CTNNA1: variants seen among roughly 807,000 people sequenced by gnomAD.
The protein encoded by CTNNA1 is catenin alpha 1.
Under a neutral mutation model 98.4 loss-of-function variants are expected in CTNNA1, and 37 were observed. That is an observed-to-expected ratio of 0.38 (90% confidence interval 0.29 to 0.49). The LOEUF (loss-of-function observed/expected upper bound fraction) is 0.49, where lower values mean the gene tolerates loss of function less well. Among genes scored for constraint, CTNNA1 ranks in the 20% least tolerant of loss-of-function variants. CTNNA1 has a pLI of 0.95. For synonymous variants in CTNNA1, 404 were observed against 413.2 expected, an observed-to-expected ratio of 0.98 and a Z score of 0.27; for missense variants, 761 against 1,147.2, an observed-to-expected ratio of 0.66 and a Z score of 4.86.
At chr5:138,927,211 C>T (rs574892823) in intron 13 of CTNNA1, among the ~76,000 whole-genome samples, 1 of 152,328 alleles carries the variant, frequency 6.6e-6, no homozygotes, top group African/African-American at 2.4e-5. Flanking sequence ...AAGCTTCAAT[C>T]AGATCATGTT....
chr5:138,781,016 T>G (rs1270979443), intron 1 of CTNNA1, among the ~76,000 whole-genome samples: 1 of 152,230 alleles, frequency 6.6e-6, no homozygotes, highest in Non-Finnish European at 1.5e-5. Context: ...CTCTTGACAC[T>G]GATACAGTGA....
rs146562899 is a variant in CTNNA1, at chr5:138,800,593, G to A, written c.302-9445G>A. Among the ~76,000 whole-genome samples, 972 of 152,050 alleles carry A rather than the reference G, an allele frequency of 6.4e-3. 6 individuals are homozygous for A. The highest frequency in any genetic ancestry group is 0.02 in the African/African-American group (846 of 41,474). On this transcript the variant is annotated intron_variant, in intron 3 of 17. Transcript: ENST00000302763. ...GCAGATCACCTGAGGTCAGGAGTTC[G>A]AGACCAGCCTGACCAACATGGAGAA...
At chr5:138,787,864 T>A (rs1334808626) in intron 3 of CTNNA1, among the ~76,000 whole-genome samples, 12 of 152,166 alleles carry the variant, frequency 7.9e-5, no homozygotes, top group African/African-American at 2.2e-4. Flanking sequence ...GTTAAAAAAA[T>A]TCACGTACAT....
chr5:138,881,085 C>T (rs1472561624), intron 7 of CTNNA1: 2 of 456,172 alleles, frequency 4.4e-6, no homozygotes, highest in Non-Finnish European at 4.4e-6. Flanking sequence ...TTGATTCCTC[C>T]TTGTATTGCA....
Position 138,874,583 on chromosome 5 carries a change from A to G in CTNNA1, c.1063-11629A>G. The stretch of plus-strand genomic sequence containing the variant: ...TGCAGAATATAATTTAAGGAAAACA[A>G]GAAGATAGGATATTTTTCAGCAGAA... On this transcript the variant is annotated intron_variant, in intron 7 of 17. Coordinates refer to ENST00000302763, the MANE Select transcript of CTNNA1 (RefSeq NM_001903.5). This position sits in a 1 kb window ranked among gnomAD's most constrained non-coding sequence, Gnocchi z 4.1. 1 of 1,390,156 alleles carries G rather than the reference A, an allele frequency of 7.2e-7. No homozygotes were observed. Among genetic ancestry groups the G allele is most frequent in the Non-Finnish European group, 9.7e-7 (1 of 1,030,278 alleles). 86.1% of individuals were successfully genotyped at this position (1,390,156 alleles called of 1,614,324 possible).
rs548982902 is a variant in CTNNA1, at chr5:138,784,366, A to T, written c.301+994A>T. ...GAACTTCATAGATCTTTCGTGCCTG[A>T]TGGTAGATTGCATAGTCCAGAGTCT... On this transcript the variant is annotated intron_variant, in intron 3 of 17. Transcript: ENST00000302763. Among the ~76,000 whole-genome samples the T allele has an allele frequency of 5.5e-4, 84 of 152,316 alleles. 1 individual carries two copies. The highest frequency in any genetic ancestry group is 2.0e-3 in the African/African-American group (84 of 41,584).
chr5:138,851,686 G>A (rs1763196324), intron 7 of CTNNA1, among the ~76,000 whole-genome samples: 1 of 152,192 alleles, frequency 6.6e-6, no homozygotes, highest in African/African-American at 2.4e-5. Flanking sequence ...TTGAACCTGG[G>A]AGGCGGAAGT....
chr5:138,897,740 G>C (rs2150101799), intron 9 of CTNNA1, among the ~76,000 whole-genome samples: 1 of 152,188 alleles, frequency 6.6e-6, no homozygotes, highest in East Asian at 1.9e-4. Context: ...TTTTGTTTGA[G>C]ACAAAATTGT....
chr5:138,766,466 T>C (rs1178698412), intron 1 of CTNNA1, among the ~76,000 whole-genome samples: 1 of 150,802 alleles, frequency 6.6e-6, no homozygotes, highest in Non-Finnish European at 1.5e-5. Flanking sequence ...TTTTTTTTTT[T>C]CAGAGGGAGT....
At chr5:138,801,141 A>G (rs1757534758) in intron 3 of CTNNA1, among the ~76,000 whole-genome samples, 1 of 152,238 alleles carries the variant, frequency 6.6e-6, no homozygotes, top group African/African-American at 2.4e-5. Context: ...GGATATTCAC[A>G]ATACTTGACC....
chr5:138,821,739 G>C (rs1285768232), intron 5 of CTNNA1, among the ~76,000 whole-genome samples: 1 of 152,126 alleles, frequency 6.6e-6, no homozygotes, highest in Non-Finnish European at 1.5e-5. Context: ...CTTTGTTCCT[G>C]AGTCTGCTTG....
chr5:138,907,210 C>T (rs1019760432), intron 10 of CTNNA1, among the ~76,000 whole-genome samples: 3 of 152,042 alleles, frequency 2.0e-5, no homozygotes, highest in Non-Finnish European at 4.4e-5. Flanking sequence ...CTGGTAGAGA[C>T]GGGGTTTCAC....
chr5:138,814,072 A>T (rs776051410), intron 5 of CTNNA1, among the ~76,000 whole-genome samples: 1 of 152,230 alleles, frequency 6.6e-6, no homozygotes, highest in African/African-American at 2.4e-5. Flanking sequence ...GCCAGGCACT[A>T]AGAAGGCCCT....
intron 5 of CTNNA1, among the ~76,000 whole-genome samples, chr5:138,818,621 A>G (rs1759696072): frequency 6.6e-6 from 1 of 152,154 alleles, no homozygotes; most frequent in African/African-American, 2.4e-5. Context: ...CCTGTGTTCA[A>G]CATCAGCAGT....
chr5:138,844,129 G>A (rs1762500830), intron 7 of CTNNA1, among the ~76,000 whole-genome samples: 1 of 150,564 alleles, frequency 6.6e-6, no homozygotes, highest in Non-Finnish European at 1.5e-5. Context: ...CACTCCATAG[G>A]CAGAGCATTT....
At chr5:138,910,864 G>A (rs1211083710) in intron 10 of CTNNA1, among the ~76,000 whole-genome samples, 3 of 152,172 alleles carry the variant, frequency 2.0e-5, no homozygotes, top group African/African-American at 4.8e-5. Context: ...GGCCTTGGTC[G>A]TAGGCCTTTG....
intron 13 of CTNNA1, 64 bp downstream of exon 13, chr5:138,925,471 T>C (rs939451312): frequency 6.3e-7 from 1 of 1,577,836 alleles, no homozygotes; most frequent in African/African-American, 1.3e-5. Context: ...ACTTGAGCAA[T>C]GCGTCATTCT....
At chr5:138,819,538 G>A (rs1759801907) in intron 5 of CTNNA1, among the ~76,000 whole-genome samples, 1 of 152,150 alleles carries the variant, frequency 6.6e-6, no homozygotes, top group Admixed American at 6.5e-5. Context: ...TTCCCCAGGG[G>A]CAATGTGCTG....
At chr5:138,801,936 G>A (rs772069815) in intron 3 of CTNNA1, among the ~76,000 whole-genome samples, 9 of 152,266 alleles carry the variant, frequency 5.9e-5, no homozygotes, top group South Asian at 2.1e-4. Context: ...CAAACTTCTC[G>A]ACTTAAATGA....
Sources: gnomAD v4.1 joint callset for allele counts (sites outside exome capture counted in the v4.1 genomes callset) on GRCh38, gnomAD v4.1.1 for gene constraint, Gnocchi (gnomAD v3.1) non-coding constraint, MANE v1.5 for transcripts, NCBI Gene and HGNC (gene_info 2026-07-23, HGNC 2026-07-21) for gene names.